The following ANTXR2 variants were observed in gnomAD, a reference collection of about 807,000 sequenced individuals.
The protein encoded by ANTXR2 is ANTXR cell adhesion molecule 2, also known as anthrax toxin receptor 2.
Under a neutral mutation model 73.7 loss-of-function variants are expected in ANTXR2, and 44 were observed. The ratio of observed to expected loss-of-function variants is 0.60; its 90% CI spans 0.47 to 0.77. The LOEUF is 0.77. Among genes scored for constraint, ANTXR2 ranks in the 30% least tolerant of loss-of-function variants. ANTXR2 has a pLI of 0.00. For missense variants in ANTXR2, 604 were observed against 592.5 expected, an observed-to-expected ratio of 1.02 and a Z score of -0.20; for synonymous variants, 217 against 205.9, an observed-to-expected ratio of 1.05 and a Z score of -0.46.
intron 16 of ANTXR2, among the ~76,000 whole-genome samples, chr4:79,925,247 TA>T (rs2109950617): frequency 6.6e-6 from 1 of 151,442 alleles, no homozygotes; most frequent in South Asian, 2.1e-4. Context: ...TTGGTGCTAT[TA>T]AAAGTCGTTT....
At chr4:79,937,535 G>A (rs1728315236) in intron 16 of ANTXR2, among the ~76,000 whole-genome samples, 1 of 152,068 alleles carries the variant, frequency 6.6e-6, no homozygotes, top group Admixed American at 6.5e-5. Context: ...CCTGAGAGAG[G>A]TACTGTCTAT....
At chr4:80,019,144 G>A (rs969611656) in intron 10 of ANTXR2, among the ~76,000 whole-genome samples, 168 bp from the exon 11 acceptor site, 9 of 152,060 alleles carry the variant, frequency 5.9e-5, no homozygotes, top group Non-Finnish European at 1.2e-4. Flanking sequence ...CAAAGTCCTA[G>A]GATTACAGGC....
intron 16 of ANTXR2, among the ~76,000 whole-genome samples, chr4:79,937,189 T>A (rs1046772265): frequency 6.6e-6 from 1 of 151,840 alleles, no homozygotes; most frequent in Non-Finnish European, 1.5e-5. Flanking sequence ...AAAAACCAGG[T>A]GCCTATTTCA....
chr4:79,931,446 TTCTTCTCTCTCTCTCTC>T (rs1328144225), intron 16 of ANTXR2, among the ~76,000 whole-genome samples: 1 of 127,104 alleles, frequency 7.9e-6, no homozygotes, highest in African/African-American at 2.7e-5. Flanking sequence ...ATTTCCTCGC[TTCTTCTCTCTCTCTCTC>T]TCTCTCTCTC....
At chr4:80,058,561 A>C (rs2110111766) in intron 3 of ANTXR2, among the ~76,000 whole-genome samples, 1 of 152,192 alleles carries the variant, frequency 6.6e-6, no homozygotes, top group South Asian at 2.1e-4. Context: ...AGACCCTTGA[A>C]GAATCCCAAG....
intron 11 of ANTXR2, among the ~76,000 whole-genome samples, chr4:80,013,582 ATG>A (rs1297832619): frequency 6.6e-6 from 1 of 152,248 alleles, no homozygotes; most frequent in African/African-American, 2.4e-5. Context: ...TATCCTCACA[ATG>A]AGCAATATCG....
intron 12 of ANTXR2, among the ~76,000 whole-genome samples, chr4:79,988,572 A>G (rs963620508): frequency 6.6e-6 from 1 of 151,974 alleles, no homozygotes; most frequent in Non-Finnish European, 1.5e-5. Context: ...CACTCCACTG[A>G]CAGTATTGGA....
chr4:79,913,798 T>C (rs1727241202), intron 16 of ANTXR2, among the ~76,000 whole-genome samples: 1 of 152,224 alleles, frequency 6.6e-6, no homozygotes, highest in Admixed American at 6.6e-5. Flanking sequence ...TCACTGTGGC[T>C]GGGGTAGTGC....
intron 16 of ANTXR2, among the ~76,000 whole-genome samples, chr4:79,930,158 T>A (rs1385678339): frequency 6.6e-6 from 1 of 152,186 alleles, no homozygotes; most frequent in Non-Finnish European, 1.5e-5. Flanking sequence ...TTTAAAACTA[T>A]ATTAGAGATA....
At chr4:80,029,665 T>C (rs540323959) in intron 10 of ANTXR2, among the ~76,000 whole-genome samples, 3 of 151,930 alleles carry the variant, frequency 2.0e-5, no homozygotes, top group African/African-American at 7.2e-5. Flanking sequence ...GGTATACAGG[T>C]TACAGACTCA....
intron 10 of ANTXR2, among the ~76,000 whole-genome samples, chr4:80,027,474 C>G (rs1732496439): frequency 6.6e-6 from 1 of 152,166 alleles, no homozygotes; most frequent in Admixed American, 6.6e-5. Flanking sequence ...TTTCCACAGA[C>G]AGTGACGTCC....
intron 16 of ANTXR2, among the ~76,000 whole-genome samples, chr4:79,925,030 T>C (rs191139457): frequency 2.6e-4 from 40 of 152,266 alleles, no homozygotes; most frequent in Non-Finnish European, 4.9e-4. Context: ...AAGATTTAAA[T>C]GTGAAAGATC....
chr4:80,048,765 T>C (rs1362039451), intron 7 of ANTXR2, among the ~76,000 whole-genome samples: 1 of 151,690 alleles, frequency 6.6e-6, no homozygotes, highest in Non-Finnish European at 1.5e-5. Flanking sequence ...TGTTAGACAC[T>C]TTTCTTCTTA....
chr4:80,017,791 T>C (rs985299752), intron 11 of ANTXR2, among the ~76,000 whole-genome samples: 2 of 151,908 alleles, frequency 1.3e-5, no homozygotes, highest in Non-Finnish European at 2.9e-5. Context: ...ACCAGCAAAC[T>C]GCAACATCCA....
chr4:80,053,628 CT>C (rs1185618738), intron 7 of ANTXR2, among the ~76,000 whole-genome samples: 1 of 151,500 alleles, frequency 6.6e-6, no homozygotes, highest in African/African-American at 2.4e-5. Context: ...GTTCCCAGTG[CT>C]TGTAGCAAAA....
At chr4:79,927,425 C>T (rs939983836) in intron 16 of ANTXR2, among the ~76,000 whole-genome samples, 6 of 151,962 alleles carry the variant, frequency 3.9e-5, no homozygotes, top group African/African-American at 1.5e-4. Flanking sequence ...GGATTGGTTC[C>T]AAGACCCACC....
intron 3 of ANTXR2, among the ~76,000 whole-genome samples, chr4:80,067,652 C>T (rs1461241734): frequency 3.3e-5 from 5 of 151,756 alleles, no homozygotes; most frequent in South Asian, 2.1e-4. Context: ...CTGCCATACA[C>T]GGGTTGTGGA....
At chr4:79,925,205 C>T (rs537531143) in intron 16 of ANTXR2, among the ~76,000 whole-genome samples, 1 of 151,580 alleles carries the variant, frequency 6.6e-6, no homozygotes, top group African/African-American at 2.4e-5. Context: ...ATCAATGCAC[C>T]TTGCAAAAAG....
At chr4:80,007,491 G>A (rs1731361224) in intron 12 of ANTXR2, among the ~76,000 whole-genome samples, 1 of 152,042 alleles carries the variant, frequency 6.6e-6, no homozygotes, top group African/African-American at 2.4e-5. Flanking sequence ...TAATTACCTG[G>A]TACTGTGAAT....
Sources: allele counts gnomAD v4.1 joint callset (sites outside exome capture counted in the v4.1 genomes callset), GRCh38; gene constraint gnomAD v4.1.1; transcripts MANE v1.5; gene names NCBI Gene and HGNC (gene_info 2026-07-23, HGNC 2026-07-21).